The following PRELID2 variants were observed in gnomAD, a reference collection of about 807,000 sequenced individuals.
PRELID2 encodes the protein PRELI domain containing 2.
In PRELID2, 25 loss-of-function variants were observed where a neutral mutation model predicts 28.4. The observed-to-expected ratio is 0.88, with a 90% confidence interval of 0.64 to 1.23. The LOEUF (loss-of-function observed/expected upper bound fraction) is 1.23, where lower values mean the gene tolerates loss of function less well. PRELID2 is among the 50% of genes most tolerant of loss of function. PRELID2 has a pLI of 0.00. For missense variants in PRELID2, 201 were observed against 214.4 expected, an observed-to-expected ratio of 0.94 and a Z score of 0.39; for synonymous variants, 76 against 71.6, an observed-to-expected ratio of 1.06 and a Z score of -0.31.
At chr5:145,232,199 ATGT>A in the PRELID2 span, among the ~76,000 whole-genome samples, 8,905 of 152,120 alleles carry the variant, frequency 0.059, 479 homozygotes, top group African/African-American at 0.14. Context: ...AGTAATAATG[ATGT>A]TGTTGATGAT....
At chr5:145,706,255 A>C (rs1482226732) in intron 1 of PRELID2, among the ~76,000 whole-genome samples, 1 of 152,192 alleles carries the variant, frequency 6.6e-6, no homozygotes, top group Non-Finnish European at 1.5e-5. Context: ...ACTGGAAGCC[A>C]CAACTATGCC....
intron 1 of PRELID2, among the ~76,000 whole-genome samples, chr5:145,570,202 T>A (rs1446810119): frequency 2.0e-5 from 3 of 152,326 alleles, no homozygotes; most frequent in South Asian, 4.1e-4. Flanking sequence ...TTAACTAGAT[T>A]ACCTCTTTCA....
the PRELID2 span, among the ~76,000 whole-genome samples, chr5:145,245,295 A>G: frequency 6.6e-6 from 1 of 152,100 alleles, no homozygotes; most frequent in African/African-American, 2.4e-5. Flanking sequence ...ATAAATTTGT[A>G]TTTCAGAAAA....
the PRELID2 span, among the ~76,000 whole-genome samples, chr5:145,375,851 A>G: frequency 6.6e-6 from 1 of 152,194 alleles, no homozygotes; most frequent in Non-Finnish European, 1.5e-5. Context: ...CACAGCCTGG[A>G]GCTATAGAGA....
At chr5:145,570,129 A>G (rs1201744508) in intron 1 of PRELID2, among the ~76,000 whole-genome samples, 2 of 152,122 alleles carry the variant, frequency 1.3e-5, no homozygotes, top group Non-Finnish European at 2.9e-5. Flanking sequence ...GTCTGTGTCC[A>G]AATTTTCTCT....
intron 1 of PRELID2, among the ~76,000 whole-genome samples, chr5:145,593,134 T>C (rs1381951826): frequency 2.0e-5 from 3 of 152,134 alleles, no homozygotes; most frequent in Admixed American, 6.6e-5. Context: ...TGAATATGGA[T>C]TGGAAGTATC....
intron 1 of PRELID2, among the ~76,000 whole-genome samples, chr5:145,676,223 A>C (rs1754812684): frequency 6.9e-6 from 1 of 145,884 alleles, no homozygotes; most frequent in African/African-American, 2.7e-5. Flanking sequence ...TCCATCTCAA[A>C]AAAAAAAAAA....
the PRELID2 span, among the ~76,000 whole-genome samples, chr5:145,327,447 GGCT>G: frequency 1.3e-5 from 2 of 151,812 alleles, no homozygotes; most frequent in Non-Finnish European, 2.9e-5. Flanking sequence ...GCTCCCTTTT[GGCT>G]GCTATTTGCA....
intron 1 of PRELID2, among the ~76,000 whole-genome samples, chr5:145,591,144 A>T (rs1264748030): frequency 6.6e-6 from 1 of 151,560 alleles, no homozygotes; most frequent in African/African-American, 2.4e-5. Context: ...AAACATAAAA[A>T]TATTAGCTGG....
chr5:145,706,259 C>G (rs531755308), intron 1 of PRELID2, among the ~76,000 whole-genome samples: 2 of 152,174 alleles, frequency 1.3e-5, no homozygotes, highest in African/African-American at 4.8e-5. Context: ...GAAGCCACAA[C>G]TATGCCACTG....
the PRELID2 span, among the ~76,000 whole-genome samples, chr5:145,340,675 G>A: frequency 6.6e-6 from 1 of 151,726 alleles, no homozygotes; most frequent in Non-Finnish European, 1.5e-5. Flanking sequence ...GCACAGGTAG[G>A]AGGATCACTT....
rs1561567900 is a variant in PRELID2 at position 145,741,491 on chromosome 5, A to ATTATATATAAAATTTATTTATAAATTAT, written n.70+23439_70+23440insATAATTTATAAATAAATTTTATATATAA. Among the ~76,000 whole-genome samples, 31 of 100,952 alleles carry ATTATATATAAAATTTATTTATAAATTAT rather than the reference A, an allele frequency of 3.1e-4. 1 individual carries two copies. The highest frequency in any genetic ancestry group is 4.9e-4 in the Non-Finnish European group (27 of 55,488). 66.2% of individuals were successfully genotyped at this position (100,952 alleles called of 152,430 possible). A position where few individuals can be genotyped will look rare whatever the true frequency, so the allele number is the denominator to read the frequency against. On this transcript the variant is annotated intron_variant and non_coding_transcript_variant, in intron 1 of 2. Transcript: ENST00000510259. ...ATAAACAAAATTTATTTATAAATAA[A>ATTATATATAAAATTTATTTATAAATTAT]TTATATATAAAATTTATTTATAAAT...
At chr5:145,438,600 G>GGCCT in the PRELID2 span, among the ~76,000 whole-genome samples, 1 of 151,996 alleles carries the variant, frequency 6.6e-6, no homozygotes, top group East Asian at 1.9e-4. Flanking sequence ...AGATGCCAAG[G>GGCCT]GCCTAGCAAT....
chr5:145,441,383 T>C, the PRELID2 span, among the ~76,000 whole-genome samples: 195 of 152,180 alleles, frequency 1.3e-3, no homozygotes, highest in Admixed American at 2.0e-3. Context: ...CCATGCCATC[T>C]CTTGCCACCA....
intron 5 of PRELID2, among the ~76,000 whole-genome samples, chr5:145,776,834 T>C (rs1056821411): frequency 2.0e-4 from 30 of 152,258 alleles, no homozygotes; most frequent in Non-Finnish European, 5.9e-5. Context: ...TATGATTTGG[T>C]TGAGATATCC....
At chr5:145,231,219 T>C in the PRELID2 span, among the ~76,000 whole-genome samples, 1 of 152,190 alleles carries the variant, frequency 6.6e-6, no homozygotes, top group Admixed American at 6.5e-5. Context: ...CCACTCTTTT[T>C]TTTTTTATTT....
chr5:145,403,161 C>A, the PRELID2 span, among the ~76,000 whole-genome samples: 1 of 152,248 alleles, frequency 6.6e-6, no homozygotes, highest in Admixed American at 6.5e-5. Context: ...ACTGGGGAAC[C>A]AAACTCTTCT....
intron 1 of PRELID2, among the ~76,000 whole-genome samples, chr5:145,575,399 T>C (rs979526157): frequency 2.6e-5 from 4 of 152,190 alleles, no homozygotes; most frequent in African/African-American, 9.6e-5. Context: ...ATTTGATGAA[T>C]TGCTCTTAGA....
chr5:145,701,415 A>G (rs1371426321), intron 1 of PRELID2, among the ~76,000 whole-genome samples: 1 of 152,262 alleles, frequency 6.6e-6, no homozygotes, highest in Non-Finnish European at 1.5e-5. Flanking sequence ...GAAAAAAATT[A>G]ATGTAATTGC....
Sources: gnomAD v4.1 joint callset for allele counts (sites outside exome capture counted in the v4.1 genomes callset) on GRCh38, gnomAD v4.1.1 for gene constraint, MANE v1.5 for transcripts, NCBI Gene and HGNC (gene_info 2026-07-23, HGNC 2026-07-21) for gene names.